Variants in RAB6A observed in about 807,000 individuals in gnomAD.
The protein encoded by RAB6A is ras-related protein Rab-6A.
RAB6A carries 8 observed loss-of-function variants against 32.3 expected under a neutral mutation model. The observed-to-expected ratio is 0.25, with a 90% CI of 0.15 to 0.45. RAB6A has a LOEUF of 0.45. Among genes scored for constraint, RAB6A ranks in the 20% least tolerant of loss-of-function variants. The probability of loss-of-function intolerance (pLI) is 1.00; values close to 1 mark genes in which losing one functional copy is unlikely to be tolerated. For synonymous variants in RAB6A, 73 were observed against 82.1 expected (o/e 0.89, Z 0.60); for missense variants, 104 against 249.4 (o/e 0.42, Z 3.93).
At chr11:73,694,578 G>A (rs562298646) in intron 6 of RAB6A, among the ~76,000 whole-genome samples, 12 of 152,030 alleles carry the variant, frequency 7.9e-5, no homozygotes, top group African/African-American at 1.2e-4. Context: ...ATTTTTTTAC[G>A]ACAAAAATTT....
chr11:73,755,517 C>G (rs1199289715), intron 1 of RAB6A, among the ~76,000 whole-genome samples: 1 of 151,974 alleles, frequency 6.6e-6, no homozygotes, highest in Non-Finnish European at 1.5e-5. Flanking sequence ...GGTCTCGAAC[C>G]CCTGACCTCA....
chr11:73,692,427 C>CG (rs1476348415), intron 6 of RAB6A, among the ~76,000 whole-genome samples: 2 of 137,132 alleles, frequency 1.5e-5, no homozygotes, highest in African/African-American at 5.5e-5. Context: ...GGCGTGAACC[C>CG]GGGAGGCGGA....
intron 6 of RAB6A, among the ~76,000 whole-genome samples, chr11:73,702,154 G>A (rs1456886403): frequency 2.0e-5 from 3 of 152,090 alleles, no homozygotes; most frequent in South Asian, 2.1e-4. Flanking sequence ...AAACTAGTAA[G>A]GATATATAAG....
intron 1 of RAB6A, among the ~76,000 whole-genome samples, chr11:73,733,999 A>C (rs1946356613): frequency 6.6e-6 from 1 of 152,214 alleles, no homozygotes; most frequent in African/African-American, 2.4e-5. Flanking sequence ...TATCATTCCC[A>C]ATAAAAAGTG....
chr11:73,718,926 AC>A (rs1191937644), intron 3 of RAB6A: 11 of 1,492,354 alleles, frequency 7.4e-6, no homozygotes, highest in South Asian at 3.7e-5. Flanking sequence ...AAAAAAAAAA[AC>A]CAAACTAATA....
chr11:73,721,431 T>C (rs909832237), intron 2 of RAB6A, among the ~76,000 whole-genome samples: 9 of 152,136 alleles, frequency 5.9e-5, no homozygotes, highest in Non-Finnish European at 1.2e-4. Context: ...GGAAAACAAG[T>C]TTTCCTCTGT....
chr11:73,727,512 G>A (rs1946240825), intron 2 of RAB6A, among the ~76,000 whole-genome samples: 1 of 151,810 alleles, frequency 6.6e-6, no homozygotes, highest in African/African-American at 2.4e-5. Context: ...CTTTACAGAT[G>A]TGAAAATATG....
chr11:73,692,769 C>A (rs1945591596), intron 6 of RAB6A, among the ~76,000 whole-genome samples: 2 of 124,734 alleles, frequency 1.6e-5, no homozygotes, highest in South Asian at 2.5e-4. Context: ...ACGGTGAAAC[C>A]CTGTCTCTAC....
intron 1 of RAB6A, among the ~76,000 whole-genome samples, chr11:73,734,963 C>CA (rs1946372233): frequency 6.6e-6 from 1 of 152,166 alleles, no homozygotes; most frequent in African/African-American, 2.4e-5. Context: ...AGAAATGCTC[C>CA]AATGAGCATT....
intron 6 of RAB6A, among the ~76,000 whole-genome samples, chr11:73,692,854 G>C (rs1945595936): frequency 6.6e-6 from 1 of 150,550 alleles, no homozygotes; most frequent in Admixed American, 6.6e-5. Context: ...CCAGCTACGC[G>C]GGAGGCTGAG....
intron 6 of RAB6A, among the ~76,000 whole-genome samples, chr11:73,681,477 G>A (rs1223518281): frequency 6.6e-6 from 1 of 152,178 alleles, no homozygotes. Context: ...AGAATGCCTA[G>A]AAGGACAGAG....
chr11:73,713,831 G>C (rs1479409066), intron 5 of RAB6A, among the ~76,000 whole-genome samples: 1 of 152,134 alleles, frequency 6.6e-6, no homozygotes, highest in African/African-American at 2.4e-5. Flanking sequence ...GTCTGGCAAA[G>C]ATTACCAAGA....
chr11:73,739,088 T>G (rs2134988668), intron 1 of RAB6A, among the ~76,000 whole-genome samples: 1 of 149,476 alleles, frequency 6.7e-6, no homozygotes, highest in Middle Eastern at 3.4e-3. Flanking sequence ...GCCAACGTGG[T>G]GAAATCCTAT....
chr11:73,756,808 G>A (rs1384205414), intron 1 of RAB6A, among the ~76,000 whole-genome samples: 1 of 152,032 alleles, frequency 6.6e-6, no homozygotes, highest in African/African-American at 2.4e-5. Flanking sequence ...TGAGTAGCTG[G>A]GATTACAGGC....
chr11:73,700,400 T>C (rs1483033928), intron 6 of RAB6A, among the ~76,000 whole-genome samples: 8 of 152,028 alleles, frequency 5.3e-5, no homozygotes, highest in Non-Finnish European at 7.4e-5. Context: ...CTGGGCAATA[T>C]AGCAAGACCC....
intron 2 of RAB6A, among the ~76,000 whole-genome samples, chr11:73,727,429 GA>G (rs35146058): frequency 0.062 from 8,879 of 143,372 alleles, 363 homozygotes; most frequent in East Asian, 0.17. Flanking sequence ...CTATCTCTTG[GA>G]AAAAAAAAAA....
intron 6 of RAB6A, among the ~76,000 whole-genome samples, chr11:73,701,424 A>G (rs1327612227): frequency 6.6e-6 from 1 of 152,258 alleles, no homozygotes; most frequent in African/African-American, 2.4e-5. Context: ...GAATACCAGC[A>G]CAACTTCTGA....
chr11:73,746,877 T>C (rs1481350370), intron 1 of RAB6A, among the ~76,000 whole-genome samples: 1 of 152,226 alleles, frequency 6.6e-6, no homozygotes, highest in East Asian at 1.9e-4. Flanking sequence ...AATCTCTCTG[T>C]GCCTCAATTT....
At chr11:73,738,340 G>A (rs1239751378) in intron 1 of RAB6A, among the ~76,000 whole-genome samples, 1 of 151,988 alleles carries the variant, frequency 6.6e-6, no homozygotes, top group East Asian at 1.9e-4. Context: ...TAATGCCACT[G>A]AACTACACAC....
Sources: gnomAD v4.1 joint callset for allele counts (sites outside exome capture counted in the v4.1 genomes callset) on GRCh38, gnomAD v4.1.1 for gene constraint, MANE v1.5 for transcripts, NCBI Gene and HGNC (gene_info 2026-07-23, HGNC 2026-07-21) for gene names.